The following TRAP1 variants were observed in gnomAD, a reference collection of about 807,000 sequenced individuals.
TRAP1 encodes heat shock protein 75 kDa, mitochondrial.
In TRAP1, 102 loss-of-function variants were observed where a neutral mutation model predicts 89.1. That is an observed-to-expected ratio of 1.15 (90% CI 0.98 to 1.35). The LOEUF (loss-of-function observed/expected upper bound fraction) is 1.35. Among genes scored for constraint, TRAP1 ranks in the 40% most tolerant of loss-of-function variants. TRAP1 has a pLI of 0.00. For synonymous variants in TRAP1, 508 were observed against 388.0 expected, an observed-to-expected ratio of 1.31 and a Z score of -3.64; for missense variants, 1,256 against 945.3, an observed-to-expected ratio of 1.33 and a Z score of -4.31.
intron 10 of TRAP1, among the ~76,000 whole-genome samples, chr16:3,672,269 G>A (rs548109994): frequency 6.6e-6 from 1 of 152,208 alleles, no homozygotes; most frequent in East Asian, 1.9e-4. Context: ...AGGTTGCAGT[G>A]AGCCACGATT....
At chr16:3,708,220 G>A (rs952087910) in intron 1 of TRAP1, among the ~76,000 whole-genome samples, 7 of 152,044 alleles carry the variant, frequency 4.6e-5, no homozygotes, top group Admixed American at 3.3e-4. Flanking sequence ...TAGTGCCGTG[G>A]CTCACGCCTG....
At chr16:3,685,910 C>A in intron 4 of TRAP1, 86 bp downstream of exon 4, 1 of 1,503,292 alleles carries the variant, frequency 6.7e-7, no homozygotes, top group Non-Finnish European at 9.0e-7. Flanking sequence ...CAGTACGTCC[C>A]TGGGACCCGA....
chr16:3,702,294 A>AG (rs974219321), intron 1 of TRAP1, among the ~76,000 whole-genome samples: 1 of 151,764 alleles, frequency 6.6e-6, no homozygotes, highest in East Asian at 1.9e-4. Flanking sequence ...ACACAGAGGG[A>AG]GGGGGCCTGA....
intron 5 of TRAP1, among the ~76,000 whole-genome samples, chr16:3,678,727 C>T (rs569617241): frequency 6.6e-6 from 1 of 152,316 alleles, no homozygotes; most frequent in South Asian, 2.1e-4. Flanking sequence ...TCCCAAAGTA[C>T]TGGGGTTACA....
At position 3,677,670 on chromosome 16, in the gene TRAP1, A is replaced by G; in HGVS notation, c.544-12T>C. 6.2e-7 allele frequency: 1 copy of G among 1,611,198 alleles called. No homozygotes were observed. Among genetic ancestry groups the G allele is most frequent in the Non-Finnish European group, 8.5e-7 (1 of 1,178,992 alleles). ...GCATCCAGGAAGGCCTGTGGGGCAG[A>G]GGCCAGTTAGTGAGGCAGCCTCCCC... is the stretch of plus-strand genomic sequence containing the variant. On this transcript the variant is annotated splice_polypyrimidine_tract_variant and intron_variant, in intron 5 of 17. Coordinates refer to ENST00000246957, the MANE Select transcript of TRAP1 (RefSeq NM_016292.3).
chr16:3,715,847 T>C (rs1002085178), intron 1 of TRAP1, among the ~76,000 whole-genome samples: 3 of 152,122 alleles, frequency 2.0e-5, no homozygotes, highest in African/African-American at 7.2e-5. Context: ...ACAGCATCAC[T>C]TTCTGAGGGA....
chr16:3,662,258 G>T, intron 15 of TRAP1, 126 bp from the exon 16 acceptor site: 2 of 1,135,240 alleles, frequency 1.8e-6, no homozygotes, highest in South Asian at 1.6e-5. Flanking sequence ...GACTCCCCTG[G>T]ACCAGCGCTG....
chr16:3,672,213 G>A (rs748135951), intron 10 of TRAP1, among the ~76,000 whole-genome samples: 1 of 152,122 alleles, frequency 6.6e-6, no homozygotes, highest in South Asian at 2.1e-4. Context: ...GCGGGCGCCT[G>A]TAATCCCAGC....
Position 3,666,129 on chromosome 16 carries a change from G to A in TRAP1, c.1236-11C>T, listed in dbSNP as rs776857704. ...ACGTCCCGGAGTTTCCTACAGAAAA[G>A]AAATGCATTTAATACATACAAGCAG... On this transcript the variant is annotated splice_polypyrimidine_tract_variant and intron_variant, in intron 11 of 17. Transcript: ENST00000246957. 1 of 1,608,282 alleles carries A rather than the reference G, an allele frequency of 6.2e-7. No individual in the cohort carries two copies. Among genetic ancestry groups the A allele is most frequent in the African/African-American group, 1.3e-5 (1 of 74,396 alleles).
At chr16:3,701,793 T>G (rs1470054269) in intron 1 of TRAP1, among the ~76,000 whole-genome samples, 1 of 152,204 alleles carries the variant, frequency 6.6e-6, no homozygotes, top group Non-Finnish European at 1.5e-5. Context: ...CACAGGCAAC[T>G]AATAGTGGTT....
At chr16:3,695,101 A>G (rs1356767108) in intron 1 of TRAP1, among the ~76,000 whole-genome samples, 1 of 152,180 alleles carries the variant, frequency 6.6e-6, no homozygotes, top group East Asian at 1.9e-4. Context: ...ACACAGTCAT[A>G]CTGGATTAGG....
chr16:3,680,961 C>T (rs897757312), intron 4 of TRAP1, among the ~76,000 whole-genome samples: 2 of 152,176 alleles, frequency 1.3e-5, no homozygotes, highest in Non-Finnish European at 2.9e-5. Flanking sequence ...ATTGCCCAGT[C>T]TAAGGTATTC....
At chr16:3,693,852 G>A (rs1380597749) in intron 1 of TRAP1, among the ~76,000 whole-genome samples, 1 of 152,098 alleles carries the variant, frequency 6.6e-6, no homozygotes, top group Non-Finnish European at 1.5e-5. Flanking sequence ...AACTAGCCAG[G>A]TGTAGTGGTG....
chr16:3,698,504 G>C (rs1205401650), intron 1 of TRAP1, among the ~76,000 whole-genome samples: 1 of 151,116 alleles, frequency 6.6e-6, no homozygotes, highest in Non-Finnish European at 1.5e-5. Context: ...GGGTTTCACC[G>C]TGTTAGCCAG....
intron 1 of TRAP1, among the ~76,000 whole-genome samples, chr16:3,712,646 C>T (rs543034461): frequency 9.9e-5 from 15 of 152,268 alleles, no homozygotes; most frequent in Middle Eastern, 3.4e-3. Context: ...CTTGCACTGT[C>T]GCCCAGGAGG....
chr16:3,663,177 T>TA, intron 14 of TRAP1: 1 of 658,134 alleles, frequency 1.5e-6, no homozygotes, highest in Non-Finnish European at 2.6e-6. Flanking sequence ...TTTAAAAAAA[T>TA]ACACAGCCTC....
chr16:3,664,073 AAAAC>A (rs974033848), intron 13 of TRAP1, 197 bp downstream of exon 13: 15 of 576,416 alleles, frequency 2.6e-5, no homozygotes, highest in South Asian at 8.4e-5. Flanking sequence ...AAAAAAACAA[AAAAC>A]AAACAAAAAA....
chr16:3,664,416 G>A lies in TRAP1; in HGVS notation c.1427C>T (p.Pro476Leu), dbSNP rs200185978. The A allele has an allele frequency of 1.4e-5, 23 of 1,612,170 alleles. 1 individual carries two copies. In the African/African-American group the frequency reaches 1.7e-4, roughly 12 times the overall value. The change falls in exon 13 of 18, where the codon CCC becomes CTC. Residue 476 changes from proline (P) to leucine (L), a missense_variant. By Grantham distance (98) the Pro-to-Leu change is moderately conservative. Coordinates refer to ENST00000246957, the MANE Select transcript of TRAP1 (RefSeq NM_016292.3). Reference sequence around the variant, plus strand: ...TGAGAGGCTGGTTAGCTGCCCGGAGGGCAGCGCCGAGGACTCGTAGCGCAG... The same window carrying A: ...TGAGAGGCTGGTTAGCTGCCCGGAGAGCAGCGCCGAGGACTCGTAGCGCAG... ...KLLRYESSAL[P>L]SGQLTSLSEY...
intron 1 of TRAP1, among the ~76,000 whole-genome samples, chr16:3,709,789 T>C (rs2051502754): frequency 6.6e-6 from 1 of 152,160 alleles, no homozygotes; most frequent in African/African-American, 2.4e-5. Flanking sequence ...TAGCTGGGAT[T>C]ACAGGCATGC....
Sources: allele counts gnomAD v4.1 joint callset (sites outside exome capture counted in the v4.1 genomes callset), GRCh38; gene constraint gnomAD v4.1.1; transcripts MANE v1.5; gene names NCBI Gene and HGNC (gene_info 2026-07-23, HGNC 2026-07-21).